The following NEMP1 variants were observed in gnomAD, a reference collection of about 807,000 sequenced individuals.
NEMP1 encodes the protein transmembrane protein 194.
Under a neutral mutation model 53.7 loss-of-function variants are expected in NEMP1, and 29 were observed. That is an observed-to-expected ratio of 0.54 (90% CI 0.40 to 0.74). NEMP1 has a LOEUF of 0.74. Among genes scored for constraint, NEMP1 ranks in the 30% least tolerant of loss-of-function variants. NEMP1 has a pLI of 0.00. For missense variants in NEMP1, 477 were observed against 528.6 expected, an observed-to-expected ratio of 0.90 and a Z score of 0.96; for synonymous variants, 193 against 192.9, an observed-to-expected ratio of 1.00 and a Z score of 0.00.
chr12:57,057,665 AAC>A lies in NEMP1; in HGVS notation c.*2212_*2213del, dbSNP rs373212365. On this transcript the variant is annotated 3_prime_UTR_variant, in exon 9 of 9. Transcript: ENST00000300128. ...TCCAACTACCAGATAGGGAGTAAAA[AAC>A]AGTTTGATTTTATTCACCTCAAGTC... The A allele has an allele frequency of 3.3e-5, 5 of 152,350 alleles. No homozygotes were observed. The highest frequency in any genetic ancestry group is 2.1e-4 in the South Asian group (1 of 4,826). The allele number at this position is 152,350 out of a possible 1,614,324, so 9.4% of individuals were successfully genotyped here.
chr12:57,071,696 A>T (rs1592511043), intron 2 of NEMP1, among the ~76,000 whole-genome samples: 2 of 152,028 alleles, frequency 1.3e-5, no homozygotes, highest in Admixed American at 6.6e-5. Context: ...CATTTTTTTT[A>T]AAGAATTTTT....
At chr12:57,082,001 G>A (rs939807829), upstream of NEMP1, among the ~76,000 whole-genome samples, 13 of 151,994 alleles carry the variant, frequency 8.6e-5, no homozygotes, top group Admixed American at 3.9e-4. Flanking sequence ...GGCGAATCAC[G>A]AGATCAGGAG....
At chr12:57,085,650 A>G (rs2032969070) in intron 1 of NEMP1, among the ~76,000 whole-genome samples, 1 of 152,248 alleles carries the variant, frequency 6.6e-6, no homozygotes, top group Non-Finnish European at 1.5e-5. Context: ...ACTGAAAGAG[A>G]AAAAAGGGAT....
chr12:57,079,496 C>T (rs775208385), upstream of NEMP1, among the ~76,000 whole-genome samples: 120 of 152,208 alleles, frequency 7.9e-4, no homozygotes, highest in Non-Finnish European at 2.2e-4. Context: ...CCCAAGATTT[C>T]ATAGTTCATC....
upstream of NEMP1, among the ~76,000 whole-genome samples, chr12:57,079,911 C>T (rs1228709103): frequency 2.6e-5 from 4 of 152,246 alleles, no homozygotes; most frequent in African/African-American, 9.6e-5. Flanking sequence ...GGTTGGGCTA[C>T]AGGGATGCAC....
upstream of NEMP1, among the ~76,000 whole-genome samples, chr12:57,080,911 G>C (rs1328742015): frequency 1.4e-5 from 2 of 142,414 alleles, no homozygotes; most frequent in Admixed American, 7.0e-5. Context: ...AAAAAAAAAA[G>C]TCAAAATGGG....
At chr12:57,085,662 A>G (rs536768523) in intron 1 of NEMP1, among the ~76,000 whole-genome samples, 10 of 152,320 alleles carry the variant, frequency 6.6e-5, no homozygotes, top group Non-Finnish European at 1.3e-4. Flanking sequence ...AAAAGGGATC[A>G]TTACTTTATA....
intron 1 of NEMP1, among the ~76,000 whole-genome samples, chr12:57,087,108 A>T (rs1239965401): frequency 6.6e-6 from 1 of 151,550 alleles, no homozygotes; most frequent in Non-Finnish European, 1.5e-5. Context: ...CTGGCCGAGC[A>T]CCCCCTCTCC....
chr12:57,077,850 A>C (rs184041922), intron 1 of NEMP1, among the ~76,000 whole-genome samples: 179 of 152,288 alleles, frequency 1.2e-3, no homozygotes, highest in African/African-American at 4.0e-3. Context: ...TGGGAGGGCC[A>C]AGGCGGATGG....
chr12:57,070,372 G>C (rs918638150), intron 3 of NEMP1, among the ~76,000 whole-genome samples: 7 of 152,234 alleles, frequency 4.6e-5, no homozygotes, highest in African/African-American at 1.7e-4. Flanking sequence ...TACTCTAAGA[G>C]TATTTGGCAT....
rs1351829540 is a variant in NEMP1, at chr12:57,057,610, T to C, written c.*2269A>G. ...AGCAACTCTCAGGCTGCAGAACCAA[T>C]TGCCATCTCCACTGCCTACAGCTCA... On this transcript the variant is annotated 3_prime_UTR_variant, in exon 9 of 9. Coordinates refer to ENST00000300128, the MANE Select transcript of NEMP1 (RefSeq NM_001130963.2). 1 of 152,226 alleles carries C rather than the reference T, an allele frequency of 6.6e-6. No individual in the cohort carries two copies. Among genetic ancestry groups the C allele is most frequent in the African/African-American group, 2.4e-5 (1 of 41,430 alleles). The allele number at this position is 152,226 out of a possible 1,614,324, so 9.4% of individuals were successfully genotyped here. A position where few individuals can be genotyped will look rare whatever the true frequency, so the allele number is the denominator to read the frequency against.
At position 57,070,680 on chromosome 12, in the gene NEMP1, TCA is replaced by T. The variant is rs1565662100; in HGVS notation, c.464_465del (p.Val155AspfsTer5). On this transcript the variant is annotated frameshift_variant, in exon 3 of 9. Transcript: ENST00000300128. LOFTEE classifies it high-confidence loss of function. ...IEKDTKYSVI[V>X]IRRFDPKLFL... ...AAACAGAGGTGAGACTTACTCCGGATCACAATGACACTGTACTTGGTGTCCTT... is the reference window on the plus strand; with the variant it reads ...AAACAGAGGTGAGACTTACTCCGGATCAATGACACTGTACTTGGTGTCCTT... The T allele has an allele frequency of 1.3e-6, 2 of 1,552,478 alleles. No individual in the cohort carries two copies. Among genetic ancestry groups the T allele is most frequent in the Non-Finnish European group, 1.7e-6 (2 of 1,147,192 alleles).
upstream of NEMP1, among the ~76,000 whole-genome samples, chr12:57,080,974 C>G (rs2032831044): frequency 6.6e-6 from 1 of 151,998 alleles, no homozygotes. Flanking sequence ...AAAGTCTAGG[C>G]CAACAGTGCT....
At position 57,066,685 on chromosome 12, in the gene NEMP1, C is replaced by T. The variant is rs187544265; in HGVS notation, c.546-1946G>A. ...GACATTTATCGATGAAGTTCACTGT[C>T]TAATATGGTTTGGCTGTGTCCCCAC... On this transcript the variant is annotated intron_variant, in intron 4 of 8. Coordinates refer to ENST00000300128, the MANE Select transcript of NEMP1 (RefSeq NM_001130963.2). Among the ~76,000 whole-genome samples, 3 of 152,312 alleles carry T rather than the reference C, an allele frequency of 2.0e-5. No homozygotes were observed. The East Asian group carries it at 5.8e-4, about 29-fold the overall frequency.
At chr12:57,070,172 A>C (rs1363577447) in intron 3 of NEMP1, among the ~76,000 whole-genome samples, 3 of 152,198 alleles carry the variant, frequency 2.0e-5, no homozygotes, top group African/African-American at 7.2e-5. Context: ...CCACTGAATA[A>C]GTTTTAAACT....
At chr12:57,081,834 G>A (rs1426849647), upstream of NEMP1, among the ~76,000 whole-genome samples, 1 of 151,700 alleles carries the variant, frequency 6.6e-6, no homozygotes, top group African/African-American at 2.4e-5. Flanking sequence ...GTGAACCTGG[G>A]AGGCGGAACT....
At chr12:57,086,335 A>G (rs557258377) in intron 1 of NEMP1, among the ~76,000 whole-genome samples, 1 of 152,324 alleles carries the variant, frequency 6.6e-6, no homozygotes, top group Non-Finnish European at 1.5e-5. Context: ...ATAAAAGAAT[A>G]TTAATCCTTT....
chr12:57,074,292 A>ATT (rs71084728), intron 1 of NEMP1, among the ~76,000 whole-genome samples: 1 of 128,774 alleles, frequency 7.8e-6, no homozygotes, highest in African/African-American at 2.9e-5. Context: ...CCCAGCCAGC[A>ATT]TTTTTTTTTT....
At chr12:57,081,446 T>G (rs2032843421), upstream of NEMP1, among the ~76,000 whole-genome samples, 1 of 151,952 alleles carries the variant, frequency 6.6e-6, no homozygotes. Flanking sequence ...TTTCTCCATG[T>G]TGGTCAAGCT....
Sources: allele counts gnomAD v4.1 joint callset (sites outside exome capture counted in the v4.1 genomes callset), GRCh38; gene constraint gnomAD v4.1.1; transcripts MANE v1.5; gene names NCBI Gene and HGNC (gene_info 2026-07-23, HGNC 2026-07-21).